The following DENND1A variants were observed in gnomAD, a reference collection of about 807,000 sequenced individuals.
DENND1A encodes DENN domain containing 1A.
Under a neutral mutation model 113.7 loss-of-function variants are expected in DENND1A, and 51 were observed. The ratio of observed to expected loss-of-function variants is 0.45; its 90% CI spans 0.36 to 0.57. The LOEUF is 0.57. Among genes scored for constraint, DENND1A ranks in the 20% least tolerant of loss-of-function variants. DENND1A has a pLI of 0.00. For missense variants in DENND1A, 1,258 were observed against 1,395.9 expected (o/e 0.90, Z 1.57); for synonymous variants, 565 against 570.8 (o/e 0.99, Z 0.14).
intron 2 of DENND1A, among the ~76,000 whole-genome samples, chr9:123,825,316 A>T (rs1183985935): frequency 2.5e-5 from 3 of 119,816 alleles, no homozygotes; most frequent in African/African-American, 4.0e-5. Flanking sequence ...CTCTTCTTTT[A>T]AAAAAAAAAA....
intron 2 of DENND1A, among the ~76,000 whole-genome samples, chr9:123,800,502 A>C (rs1175752936): frequency 6.6e-6 from 1 of 152,248 alleles, no homozygotes; most frequent in Admixed American, 6.5e-5. Context: ...ATTCAGCCTG[A>C]ATCCATCAGG....
intron 13 of DENND1A, among the ~76,000 whole-genome samples, chr9:123,464,042 C>T (rs2048743781): frequency 6.6e-6 from 1 of 152,070 alleles, no homozygotes; most frequent in Non-Finnish European, 1.5e-5. Flanking sequence ...GTGTAATAAA[C>T]CTGTACATCT....
chr9:123,455,871 A>G (rs185485191), intron 15 of DENND1A, among the ~76,000 whole-genome samples: 3 of 152,334 alleles, frequency 2.0e-5, no homozygotes. Flanking sequence ...AAGCCCTCAC[A>G]TTACACAGCG....
chr9:123,909,255 G>A (rs1294362092), intron 1 of DENND1A, among the ~76,000 whole-genome samples: 1 of 152,024 alleles, frequency 6.6e-6, no homozygotes, highest in African/African-American at 2.4e-5. Context: ...GCTAGATGAT[G>A]AGTTAGTGGG....
At chr9:123,901,703 TCTCA>T (rs1851654167) in intron 1 of DENND1A, among the ~76,000 whole-genome samples, 1 of 152,178 alleles carries the variant, frequency 6.6e-6, no homozygotes, top group Non-Finnish European at 1.5e-5. Flanking sequence ...TCTTGATAAT[TCTCA>T]CTGACACCTG....
intron 15 of DENND1A, among the ~76,000 whole-genome samples, chr9:123,455,157 G>A (rs2048022234): frequency 1.3e-5 from 2 of 152,168 alleles, no homozygotes; most frequent in African/African-American, 2.4e-5. Context: ...TGGAGAACCC[G>A]GTGGAGGGTC....
intron 13 of DENND1A, among the ~76,000 whole-genome samples, chr9:123,532,831 A>G (rs1167047901): frequency 6.6e-6 from 1 of 152,242 alleles, no homozygotes; most frequent in African/African-American, 2.4e-5. Context: ...AGTTGTTTTT[A>G]GAGGTCTCAC....
At chr9:123,486,909 C>A (rs1311373370) in intron 13 of DENND1A, among the ~76,000 whole-genome samples, 1 of 152,162 alleles carries the variant, frequency 6.6e-6, no homozygotes, top group Admixed American at 6.5e-5. Flanking sequence ...GGTGGGCATG[C>A]GACCCTGGGA....
intron 10 of DENND1A, among the ~76,000 whole-genome samples, chr9:123,610,237 T>G (rs2060353239): frequency 6.6e-6 from 1 of 152,244 alleles, no homozygotes; most frequent in Non-Finnish European, 1.5e-5. Context: ...TGTATGTGTG[T>G]GTGTGTATAC....
In DENND1A at chr9:123,383,745, G is replaced by T. The variant is rs567551281; in HGVS notation, c.1929C>A (p.Ala643=). 29 of 1,614,022 alleles carry T rather than the reference G, an allele frequency of 1.8e-5. No homozygotes were observed. The Admixed American group carries it at 3.7e-4, about 20-fold the overall frequency. Residue 643 remains alanine, a synonymous_variant, in exon 23 of 24, where the codon GCC becomes GCA. Transcript: ENST00000394215. ...TGGCCTGGCCCAGTGGCTGCAGTGC[G>T]GCCTCCATGTCCAGGTTGCTGAAGA... The part of the protein sequence containing the change: ...EDVFSNLDME[A]ALQPLGQAKS...
chr9:123,503,074 A>G (rs2052627104), intron 13 of DENND1A, among the ~76,000 whole-genome samples: 1 of 152,146 alleles, frequency 6.6e-6, no homozygotes, highest in Non-Finnish European at 1.5e-5. Context: ...AGTACATTAA[A>G]TATCATTATG....
chr9:123,619,098 C>T lies in DENND1A; in HGVS notation c.720-9617G>A, dbSNP rs2060809294. 2.0e-5 allele frequency among the ~76,000 whole-genome samples: 3 copies of T among 152,186 alleles called. No homozygotes were observed. The South Asian group carries it at 6.2e-4, about 32-fold the overall frequency. On this transcript the variant is annotated intron_variant, in intron 10 of 23. Coordinates refer to ENST00000394215, the MANE Select transcript of DENND1A (RefSeq NM_001352964.2). ...AGTAGCTGGGATTACAGGCACACGC[C>T]ACCACGCCCAGCTAATTTTTGCATT...
At chr9:123,821,710 T>C (rs1838500347) in intron 2 of DENND1A, among the ~76,000 whole-genome samples, 2 of 152,244 alleles carry the variant, frequency 1.3e-5, no homozygotes, top group Admixed American at 6.5e-5. Context: ...TGCTTTCTGA[T>C]GCTGTTTATA....
At chr9:123,532,829 T>C (rs2055435231) in intron 13 of DENND1A, among the ~76,000 whole-genome samples, 1 of 152,216 alleles carries the variant, frequency 6.6e-6, no homozygotes, top group Admixed American at 6.5e-5. Flanking sequence ...ACAGTTGTTT[T>C]TAGAGGTCTC....
chr9:123,429,127 T>C (rs912352088), intron 19 of DENND1A, among the ~76,000 whole-genome samples: 3 of 152,208 alleles, frequency 2.0e-5, no homozygotes, highest in Admixed American at 6.5e-5. Context: ...TCATGCTACT[T>C]GACTTCAAAC....
intron 5 of DENND1A, among the ~76,000 whole-genome samples, chr9:123,744,770 C>CTTTTT (rs57945475): frequency 2.9e-4 from 30 of 102,714 alleles, no homozygotes; most frequent in African/African-American, 1.0e-3. Flanking sequence ...TATATTAGCT[C>CTTTTT]TTTTTTTTTT....
intron 13 of DENND1A, among the ~76,000 whole-genome samples, chr9:123,518,259 T>C (rs909436384): frequency 6.6e-5 from 10 of 152,178 alleles, no homozygotes; most frequent in Non-Finnish European, 1.3e-4. Context: ...AATTTAGTTG[T>C]AAAATAGACT....
At chr9:123,659,795 C>T (rs1314508458) in intron 8 of DENND1A, among the ~76,000 whole-genome samples, 2 of 152,142 alleles carry the variant, frequency 1.3e-5, no homozygotes, top group East Asian at 3.8e-4. Flanking sequence ...TTAACAACCC[C>T]ACAGTTACTG....
intron 11 of DENND1A, among the ~76,000 whole-genome samples, chr9:123,587,662 G>A (rs894076332): frequency 7.2e-5 from 11 of 152,284 alleles, no homozygotes; most frequent in Admixed American, 3.9e-4. Context: ...CTGACTGCAC[G>A]TCCATTCATA....
Sources: allele counts gnomAD v4.1 joint callset (sites outside exome capture counted in the v4.1 genomes callset), GRCh38; gene constraint gnomAD v4.1.1; transcripts MANE v1.5; gene names NCBI Gene and HGNC (gene_info 2026-07-23, HGNC 2026-07-21).